Variants in CFDP1 observed in about 807,000 individuals in gnomAD.
The protein encoded by CFDP1 is heterochromatin-stabilizing protein CFDP1.
A neutral mutation model predicts 40.1 loss-of-function variants in CFDP1; 31 were observed. The ratio of observed to expected loss-of-function variants is 0.77; its 90% confidence interval spans 0.58 to 1.04. CFDP1 has a LOEUF of 1.04. CFDP1 is among the 50% of genes least tolerant of loss of function. The probability of loss-of-function intolerance (pLI) is 0.00; values close to 1 mark genes in which losing one functional copy is unlikely to be tolerated. For missense variants in CFDP1, 423 were observed against 343.4 expected, an observed-to-expected ratio of 1.23 and a Z score of -1.83; for synonymous variants, 167 against 120.0, an observed-to-expected ratio of 1.39 and a Z score of -2.56.
intron 4 of CFDP1, among the ~76,000 whole-genome samples, chr16:75,398,626 G>A (rs1303014502): frequency 6.6e-6 from 1 of 152,202 alleles, no homozygotes; most frequent in East Asian, 1.9e-4. Flanking sequence ...TACCACAAAA[G>A]AAGTCTGGCT....
chr16:75,395,620 T>C (rs1300180184), intron 4 of CFDP1, among the ~76,000 whole-genome samples: 2 of 151,898 alleles, frequency 1.3e-5, no homozygotes, highest in Non-Finnish European at 1.5e-5. Flanking sequence ...GATCACGCCA[T>C]TGCACTCCAG....
At chr16:75,428,303 A>G (rs1401208763) in intron 1 of CFDP1, among the ~76,000 whole-genome samples, 1 of 152,216 alleles carries the variant, frequency 6.6e-6, no homozygotes, top group Non-Finnish European at 1.5e-5. Context: ...TTACAAAAGA[A>G]GAACATAATG....
chr16:75,358,459 T>A (rs1247180211), intron 5 of CFDP1, among the ~76,000 whole-genome samples: 1 of 133,544 alleles, frequency 7.5e-6, no homozygotes, highest in African/African-American at 2.6e-5. Context: ...GTAAAATAAA[T>A]ATTTTACATA....
chr16:75,347,191 A>C (rs1373211244), intron 5 of CFDP1, among the ~76,000 whole-genome samples: 5 of 151,414 alleles, frequency 3.3e-5, no homozygotes, highest in African/African-American at 1.2e-4. Flanking sequence ...AAAAGTACAA[A>C]AAGTCAGCTG....
chr16:75,348,434 A>C (rs150910852), intron 5 of CFDP1, among the ~76,000 whole-genome samples: 1 of 152,350 alleles, frequency 6.6e-6, no homozygotes, highest in Non-Finnish European at 1.5e-5. Flanking sequence ...TTCAAAATAA[A>C]ATTTAAAAAC....
At chr16:75,411,785 T>C (rs764961374) in intron 4 of CFDP1, 40 bp downstream of exon 4, 15 of 1,588,738 alleles carry the variant, frequency 9.4e-6, no homozygotes, top group Non-Finnish European at 1.3e-5. Context: ...ACGCTCATTT[T>C]TGAAAATGCT....
At position 75,325,211 on chromosome 16, in the gene CFDP1, T is replaced by G. The variant is rs560972979; in HGVS notation, c.651-20029A>C. ...CCCTAGTCTGCTCTGCCTATAGCCTTGCACATCTTAGTTGTGGGGGACAAC... is the reference window on the plus strand; with the variant it reads ...CCCTAGTCTGCTCTGCCTATAGCCTGGCACATCTTAGTTGTGGGGGACAAC... On this transcript the variant is annotated intron_variant, in intron 5 of 6. Coordinates refer to ENST00000283882, the MANE Select transcript of CFDP1 (RefSeq NM_006324.3). Among the ~76,000 whole-genome samples the G allele has an allele frequency of 3.0e-4, 45 of 152,334 alleles. No individual in the cohort carries two copies. In the South Asian group the frequency reaches 8.7e-3, roughly 29 times the overall value.
At chr16:75,351,481 T>A (rs2078610486) in intron 5 of CFDP1, among the ~76,000 whole-genome samples, 1 of 152,182 alleles carries the variant, frequency 6.6e-6, no homozygotes, top group Non-Finnish European at 1.5e-5. Flanking sequence ...AAGGTCACTA[T>A]CAAAATAACT....
intron 6 of CFDP1, among the ~76,000 whole-genome samples, chr16:75,303,327 T>C (rs2078234073): frequency 2.6e-5 from 4 of 152,012 alleles, no homozygotes; most frequent in Admixed American, 6.6e-5. Flanking sequence ...GATCACGCCA[T>C]TGCACTCCAG....
intron 5 of CFDP1, among the ~76,000 whole-genome samples, chr16:75,342,836 G>A (rs545638980): frequency 6.6e-6 from 1 of 152,240 alleles, no homozygotes; most frequent in South Asian, 2.1e-4. Context: ...CCACAATCTG[G>A]GGAAGATATT....
chr16:75,347,313 C>T (rs2078574244), intron 5 of CFDP1, among the ~76,000 whole-genome samples: 1 of 132,620 alleles, frequency 7.5e-6, no homozygotes, highest in African/African-American at 2.9e-5. Context: ...CATTGCACTC[C>T]AGCCCTGGCG....
In CFDP1 at chr16:75,352,774, A is replaced by C. The variant is rs539332527; in HGVS notation, c.650+42316T>G. ...ATTTGATAAACTACATAAGATATTC[A>C]ACACTTTATTATAAAATAGACTTTG... On this transcript the variant is annotated intron_variant, in intron 5 of 6. Coordinates refer to ENST00000283882, the MANE Select transcript of CFDP1 (RefSeq NM_006324.3). Among the ~76,000 whole-genome samples, 12 of 152,302 alleles carry C rather than the reference A, an allele frequency of 7.9e-5. No homozygotes were observed. In the South Asian group the frequency reaches 2.1e-3, roughly 26 times the overall value.
intron 5 of CFDP1, among the ~76,000 whole-genome samples, chr16:75,318,856 A>G (rs539025379): frequency 6.6e-6 from 1 of 152,232 alleles, no homozygotes; most frequent in Non-Finnish European, 1.5e-5. Context: ...AGACTAGGCT[A>G]AAGTTTTGGG....
chr16:75,427,588 A>AAACAAG lies in CFDP1; in HGVS notation c.64+5700_64+5701insCTTGTT, dbSNP rs372126841. On this transcript the variant is annotated intron_variant, in intron 1 of 6. Transcript: ENST00000283882. ...ATATTTAAAACAAAAACAAAAACAA[A>AAACAAG]AAAATCTGACCACCCCAAGTGTTGT... Among the ~76,000 whole-genome samples, 150 of 152,268 alleles carry AAACAAG rather than the reference A, an allele frequency of 9.9e-4. 1 individual carries two copies. Among genetic ancestry groups the AAACAAG allele is most frequent in the African/African-American group, 3.6e-3 (149 of 41,562 alleles).
chr16:75,432,805 T>C (rs755137053), intron 1 of CFDP1, among the ~76,000 whole-genome samples: 1 of 152,104 alleles, frequency 6.6e-6, no homozygotes, highest in Non-Finnish European at 1.5e-5. Flanking sequence ...AGAGGATGGG[T>C]GGACGTCACA....
At chr16:75,318,462 G>A (rs2078339657) in intron 5 of CFDP1, among the ~76,000 whole-genome samples, 1 of 148,594 alleles carries the variant, frequency 6.7e-6, no homozygotes, top group Non-Finnish European at 1.5e-5. Flanking sequence ...CTGGAGTGCA[G>A]TGGCACAGTC....
chr16:75,300,372 C>T (rs1291985477), intron 6 of CFDP1, among the ~76,000 whole-genome samples: 3 of 152,114 alleles, frequency 2.0e-5, no homozygotes, highest in African/African-American at 7.2e-5. Flanking sequence ...ATTGCAACCT[C>T]CGCCTCCCGG....
At position 75,370,294 on chromosome 16, in the gene CFDP1, T is replaced by G. The variant is rs370824415; in HGVS notation, c.650+24796A>C. 4.6e-3 allele frequency among the ~76,000 whole-genome samples: 692 copies of G among 152,076 alleles called. 34 individuals carry two copies. In the South Asian group the frequency reaches 0.11, roughly 24 times the overall value. On this transcript the variant is annotated intron_variant, in intron 5 of 6. Coordinates refer to ENST00000283882, the MANE Select transcript of CFDP1 (RefSeq NM_006324.3). Reference sequence around the variant, plus strand: ...TTTTAGTAGAGATGGGGTTTCGCCATGTTGGCCAGGCTGGTCTCGAACTCC... The same window carrying G: ...TTTTAGTAGAGATGGGGTTTCGCCAGGTTGGCCAGGCTGGTCTCGAACTCC...
intron 4 of CFDP1, among the ~76,000 whole-genome samples, chr16:75,404,679 T>A (rs556928396): frequency 6.6e-6 from 1 of 151,502 alleles, no homozygotes; most frequent in Non-Finnish European, 1.5e-5. Flanking sequence ...AGGGACATTA[T>A]GCAATACAAA....
Sources: gnomAD v4.1 joint callset for allele counts (sites outside exome capture counted in the v4.1 genomes callset) on GRCh38, gnomAD v4.1.1 for gene constraint, MANE v1.5 for transcripts, NCBI Gene and HGNC (gene_info 2026-07-23, HGNC 2026-07-21) for gene names.